Variants in LRRC36 observed in about 807,000 individuals in gnomAD.
LRRC36 encodes leucine rich repeat containing 36, also known as leucine-rich repeat-containing protein 36.
A neutral mutation model predicts 81.1 loss-of-function variants in LRRC36; 62 were observed. That is an observed-to-expected ratio of 0.76 (90% confidence interval 0.62 to 0.94). LRRC36 has a LOEUF of 0.94. LRRC36 is among the 40% of genes least tolerant of loss of function. The pLI, the probability that LRRC36 is intolerant of heterozygous loss-of-function variation, is 0.00. For synonymous variants in LRRC36, 334 were observed against 348.6 expected (o/e 0.96, Z 0.47); for missense variants, 761 against 881.7 (o/e 0.86, Z 1.73).
intron 11 of LRRC36, among the ~76,000 whole-genome samples, chr16:67,377,749 C>T (rs1029650453): frequency 1.3e-5 from 2 of 152,056 alleles, no homozygotes; most frequent in Non-Finnish European, 2.9e-5. Context: ...ATTCTCCTGC[C>T]TCAGCCTCCC....
intron 9 of LRRC36, chr16:67,371,622 A>T (rs1224255197): frequency 7.0e-6 from 2 of 287,294 alleles, no homozygotes; most frequent in Non-Finnish European, 1.4e-5. Flanking sequence ...CTGTAATCCC[A>T]GCACTTTGGG....
At chr16:67,342,630 G>T (rs913380782) in intron 2 of LRRC36, among the ~76,000 whole-genome samples, 1 of 152,192 alleles carries the variant, frequency 6.6e-6, no homozygotes, top group Non-Finnish European at 1.5e-5. Flanking sequence ...CATGAACAGT[G>T]TGCGTGTGGA....
At chr16:67,333,850 C>A (rs2037618552) in intron 1 of LRRC36, among the ~76,000 whole-genome samples, 1 of 152,198 alleles carries the variant, frequency 6.6e-6, no homozygotes, top group East Asian at 1.9e-4. Flanking sequence ...CACCTCTCCC[C>A]ACCCACCCCG....
At chr16:67,369,709 C>T (rs916505875) in intron 8 of LRRC36, among the ~76,000 whole-genome samples, 1 of 152,140 alleles carries the variant, frequency 6.6e-6, no homozygotes, top group Non-Finnish European at 1.5e-5. Flanking sequence ...AGCAAAGTCA[C>T]GTCTTACATG....
chr16:67,359,705 G>A (rs2039060082), intron 5 of LRRC36, among the ~76,000 whole-genome samples: 1 of 152,166 alleles, frequency 6.6e-6, no homozygotes, highest in Non-Finnish European at 1.5e-5. Flanking sequence ...TGAGATTTCA[G>A]ATGAGTCAAA....
chr16:67,376,764 G>C lies in LRRC36; in HGVS notation c.1698G>C (p.Pro566=), dbSNP rs755367016. 1.2e-6 allele frequency: 2 copies of C among 1,613,572 alleles called. No individual in the cohort carries two copies. The highest frequency in any genetic ancestry group is 2.2e-5 in the South Asian group (2 of 91,044). Reference sequence around the variant, plus strand: ...ATTTGCTTCTGTCTTTGGTAGTCCCGGCTCCTTCTCAGCCGAGGTGTTGCT... The same window carrying C: ...ATTTGCTTCTGTCTTTGGTAGTCCCCGCTCCTTCTCAGCCGAGGTGTTGCT... ...ARDLLLSLVV[P]APSQPRCCSH... Residue 566 remains proline (P), a synonymous_variant, in exon 11 of 14, where the codon CCG becomes CCC. Transcript: ENST00000329956.
At chr16:67,368,879 G>A (rs1316763096) in intron 8 of LRRC36, among the ~76,000 whole-genome samples, 1 of 152,208 alleles carries the variant, frequency 6.6e-6, no homozygotes, top group African/African-American at 2.4e-5. Flanking sequence ...CCAGGATAAA[G>A]TGTGGGAGAA....
intron 4 of LRRC36, among the ~76,000 whole-genome samples, chr16:67,347,945 T>C (rs571832149): frequency 1.3e-5 from 2 of 152,340 alleles, no homozygotes; most frequent in African/African-American, 2.4e-5. Flanking sequence ...CCTATTGAAT[T>C]AGGATTACAT....
At chr16:67,366,760 A>AG (rs2039414616) in intron 7 of LRRC36, among the ~76,000 whole-genome samples, 1 of 152,086 alleles carries the variant, frequency 6.6e-6, no homozygotes, top group Middle Eastern at 3.4e-3. Context: ...AAAAAAAAAA[A>AG]AGAAACAGAA....
In LRRC36 at chr16:67,350,247, T is replaced by A; in HGVS notation, c.534T>A (p.Ser178=). 6.2e-7 allele frequency: 1 copy of A among 1,613,852 alleles called. No homozygotes were observed. The highest frequency in any genetic ancestry group is 8.5e-7 in the Non-Finnish European group (1 of 1,179,896). The change falls in exon 5 of 14, where the codon TCT becomes TCA. Residue 178 remains serine, a synonymous_variant. Coordinates refer to ENST00000329956, the MANE Select transcript of LRRC36 (RefSeq NM_018296.6). ...AAAACTGTGTAACAGGTGAGAGCTC[T>A]GCATCAAAAGTCAGTGCTAATGTTG... The part of the protein sequence containing the change: ...TMKNCVTGES[S]ASKVSANVDS...
At chr16:67,361,829 A>C (rs865792940) in intron 5 of LRRC36, among the ~76,000 whole-genome samples, 3 of 152,254 alleles carry the variant, frequency 2.0e-5, no homozygotes, top group Middle Eastern at 6.8e-3. Context: ...GGCCTCCCAA[A>C]GTGCTGAAAT....
chr16:67,362,291 C>G (rs1454218637), intron 5 of LRRC36: 1 of 419,976 alleles, frequency 2.4e-6, no homozygotes, highest in Non-Finnish European at 4.7e-6. Context: ...GCCTAGCGAG[C>G]AGCTGGGATT....
chr16:67,371,528 C>G, intron 9 of LRRC36: 1 of 435,944 alleles, frequency 2.3e-6, no homozygotes. Flanking sequence ...TTTACAGTCT[C>G]ATCATATTTA....
At chr16:67,370,484 A>G (rs1236896311) in intron 8 of LRRC36, among the ~76,000 whole-genome samples, 1 of 152,082 alleles carries the variant, frequency 6.6e-6, no homozygotes, top group African/African-American at 2.4e-5. Flanking sequence ...TCTACTAAAA[A>G]TACAAAAATT....
chr16:67,362,058 C>T (rs2039172273), intron 5 of LRRC36: 7 of 337,064 alleles, frequency 2.1e-5, no homozygotes, highest in South Asian at 1.5e-4. Context: ...TACGGATACC[C>T]TATTTCTATT....
intron 12 of LRRC36, among the ~76,000 whole-genome samples, chr16:67,380,076 A>G (rs2040054574): frequency 6.6e-6 from 1 of 152,152 alleles, no homozygotes; most frequent in Admixed American, 6.6e-5. Flanking sequence ...CCTAGAATCA[A>G]ATGCTTTTCT....
chr16:67,354,304 GTC>G (rs1477066176), intron 5 of LRRC36, among the ~76,000 whole-genome samples: 2 of 152,010 alleles, frequency 1.3e-5, no homozygotes, highest in African/African-American at 4.8e-5. Context: ...TTGAGACAGA[GTC>G]TCACTCAGTT....
At chr16:67,382,452 C>T (rs1273884770) in intron 13 of LRRC36, among the ~76,000 whole-genome samples, 1 of 152,170 alleles carries the variant, frequency 6.6e-6, no homozygotes, top group East Asian at 1.9e-4. Context: ...TCTTTGTTGG[C>T]ATTGGTGGGT....
chr16:67,355,331 C>A (rs991682849), intron 5 of LRRC36, among the ~76,000 whole-genome samples: 1 of 148,368 alleles, frequency 6.7e-6, no homozygotes, highest in Admixed American at 6.8e-5. Context: ...AAGAAACTGC[C>A]AAATTGTTCC....
Sources: gnomAD v4.1 joint callset for allele counts (sites outside exome capture counted in the v4.1 genomes callset) on GRCh38, gnomAD v4.1.1 for gene constraint, MANE v1.5 for transcripts, NCBI Gene and HGNC (gene_info 2026-07-23, HGNC 2026-07-21) for gene names.